The following ATP8A1 variants were observed in gnomAD, a reference collection of about 807,000 sequenced individuals.
The protein encoded by ATP8A1 is ATPase phospholipid transporting 8A1.
Under a neutral mutation model 177.7 loss-of-function variants are expected in ATP8A1, and 90 were observed. The ratio of observed to expected loss-of-function variants is 0.51; its 90% confidence interval spans 0.43 to 0.60. The LOEUF (loss-of-function observed/expected upper bound fraction) is 0.60, where lower values mean the gene tolerates loss of function less well. Among genes scored for constraint, ATP8A1 ranks in the 20% least tolerant of loss-of-function variants. The probability of loss-of-function intolerance (pLI) is 0.00; values close to 1 mark genes in which losing one functional copy is unlikely to be tolerated. For missense variants in ATP8A1, 1,072 were observed against 1,392.8 expected (o/e 0.77, Z 3.67); for synonymous variants, 493 against 485.9 (o/e 1.01, Z -0.19).
At chr4:42,452,430 G>A (rs1718028366) in intron 29 of ATP8A1, among the ~76,000 whole-genome samples, 1 of 152,038 alleles carries the variant, frequency 6.6e-6, no homozygotes, top group Admixed American at 6.5e-5. Context: ...TATAATTTGG[G>A]GAAATCCCTT....
chr4:42,639,461 A>G (rs1270683915), intron 1 of ATP8A1, among the ~76,000 whole-genome samples: 1 of 152,226 alleles, frequency 6.6e-6, no homozygotes, highest in Non-Finnish European at 1.5e-5. Flanking sequence ...TCCAACATCT[A>G]CTTTGCTTCA....
chr4:42,558,179 T>C (rs1010276401), intron 15 of ATP8A1, among the ~76,000 whole-genome samples: 24 of 152,212 alleles, frequency 1.6e-4, no homozygotes, highest in African/African-American at 5.8e-4. Flanking sequence ...AATATTTACT[T>C]TTAGTAAAAA....
intron 23 of ATP8A1, among the ~76,000 whole-genome samples, chr4:42,506,363 C>T (rs908886034): frequency 6.6e-6 from 1 of 152,188 alleles, no homozygotes; most frequent in Non-Finnish European, 1.5e-5. Flanking sequence ...AACCAGAAGG[C>T]CAGTGGTCAT....
At chr4:42,508,100 A>G (rs940575484) in intron 22 of ATP8A1, among the ~76,000 whole-genome samples, 1 of 152,082 alleles carries the variant, frequency 6.6e-6, no homozygotes, top group Non-Finnish European at 1.5e-5. Flanking sequence ...ACCAAACACA[A>G]CCAATGGGCT....
chr4:42,616,276 G>C (rs935171957), intron 4 of ATP8A1, among the ~76,000 whole-genome samples, 198 bp from the exon 5 acceptor site: 13 of 152,194 alleles, frequency 8.5e-5, no homozygotes, highest in African/African-American at 2.4e-4. Flanking sequence ...TTTTAAAACT[G>C]AAAGAACAAT....
intron 24 of ATP8A1, 36 bp from the exon 25 acceptor site, chr4:42,485,704 T>A: frequency 6.4e-7 from 1 of 1,571,102 alleles, no homozygotes; most frequent in Non-Finnish European, 8.7e-7. Flanking sequence ...CCATCAACAT[T>A]TACTCCCATT....
At chr4:42,632,613 A>G (rs1266400538) in intron 1 of ATP8A1, among the ~76,000 whole-genome samples, 2 of 152,232 alleles carry the variant, frequency 1.3e-5, no homozygotes, top group African/African-American at 4.8e-5. Flanking sequence ...TACCAAATAA[A>G]AATATACAAG....
At chr4:42,565,114 T>C (rs1343736389) in intron 15 of ATP8A1, among the ~76,000 whole-genome samples, 1 of 152,186 alleles carries the variant, frequency 6.6e-6, no homozygotes, top group East Asian at 1.9e-4. Flanking sequence ...GGACTGTAAG[T>C]TCAATTAAAC....
At chr4:42,655,483 T>G (rs373845469) in intron 1 of ATP8A1, among the ~76,000 whole-genome samples, 134 of 152,340 alleles carry the variant, frequency 8.8e-4, no homozygotes, top group African/African-American at 2.8e-3. Context: ...CTACTTTCAC[T>G]ATCTCTATGA....
At chr4:42,624,792 G>A (rs768488783) in intron 3 of ATP8A1, among the ~76,000 whole-genome samples, 158 bp from the exon 4 acceptor site, 26 of 152,134 alleles carry the variant, frequency 1.7e-4, no homozygotes, top group Non-Finnish European at 3.7e-4. Context: ...TATCTAATAA[G>A]TACTGGAAAA....
chr4:42,594,785 GGAGA>G (rs1734562676), intron 6 of ATP8A1, among the ~76,000 whole-genome samples: 1 of 152,028 alleles, frequency 6.6e-6, no homozygotes, highest in Admixed American at 6.5e-5. Flanking sequence ...CTCATCATTT[GGAGA>G]GAAAGAAAAT....
Position 42,593,147 on chromosome 4 carries a change from C to T in ATP8A1, c.451-2263G>A, listed in dbSNP as rs1380310081. Among the ~76,000 whole-genome samples the T allele has an allele frequency of 4.6e-5, 7 of 152,136 alleles. No homozygotes were observed. In the East Asian group the frequency reaches 1.2e-3, roughly 25 times the overall value. On this transcript the variant is annotated intron_variant, in intron 6 of 36. Coordinates refer to ENST00000381668, the MANE Select transcript of ATP8A1 (RefSeq NM_006095.2). ...AAAATCACCAAATCAGAATAAGAAT[C>T]CTGGCTTTTCACTCCCTAAAGAGAG...
intron 4 of ATP8A1, among the ~76,000 whole-genome samples, chr4:42,618,609 CAATA>C (rs1737144317): frequency 6.6e-6 from 1 of 152,158 alleles, no homozygotes; most frequent in Non-Finnish European, 1.5e-5. Context: ...TTCTTTCACT[CAATA>C]AATATTTACT....
chr4:42,430,137 A>C (rs912788056), intron 33 of ATP8A1, among the ~76,000 whole-genome samples: 1 of 152,182 alleles, frequency 6.6e-6, no homozygotes, highest in African/African-American at 2.4e-5. Context: ...CCATAACAAA[A>C]ACATTTAAAT....
At chr4:42,544,125 C>T in intron 19 of ATP8A1, 139 bp from the exon 20 acceptor site, 1 of 652,556 alleles carries the variant, frequency 1.5e-6, no homozygotes, top group Non-Finnish European at 2.6e-6. Flanking sequence ...TCCACATACA[C>T]AAACTATCCC....
chr4:42,449,323 A>G (rs1717682521), intron 30 of ATP8A1, among the ~76,000 whole-genome samples: 1 of 152,218 alleles, frequency 6.6e-6, no homozygotes. Context: ...TAATAAAAGC[A>G]TTAGTTTTAT....
At chr4:42,539,223 G>A (rs770793368) in intron 20 of ATP8A1, among the ~76,000 whole-genome samples, 5 of 151,746 alleles carry the variant, frequency 3.3e-5, no homozygotes, top group Non-Finnish European at 5.9e-5. Flanking sequence ...GCAAAGACAC[G>A]AGAATGATAC....
At chr4:42,527,331 A>AC (rs1178398766) in intron 20 of ATP8A1, among the ~76,000 whole-genome samples, 1 of 152,010 alleles carries the variant, frequency 6.6e-6, no homozygotes, top group African/African-American at 2.4e-5. Flanking sequence ...AAAGAATGGG[A>AC]CCCCGCAACT....
At chr4:42,554,108 T>G (rs1417186792) in intron 16 of ATP8A1, among the ~76,000 whole-genome samples, 1 of 152,080 alleles carries the variant, frequency 6.6e-6, no homozygotes, top group African/African-American at 2.4e-5. Context: ...AACAGGATAG[T>G]GAGGGGACTT....
Sources: allele counts gnomAD v4.1 joint callset (sites outside exome capture counted in the v4.1 genomes callset), GRCh38; gene constraint gnomAD v4.1.1; transcripts MANE v1.5; gene names NCBI Gene and HGNC (gene_info 2026-07-23, HGNC 2026-07-21).